Variants in PARD3B observed in about 807,000 individuals in gnomAD.
The protein encoded by PARD3B is partitioning defective 3 homolog B.
Under a neutral mutation model 130.2 loss-of-function variants are expected in PARD3B, and 103 were observed. That is an observed-to-expected ratio of 0.79 (90% CI 0.67 to 0.93). The LOEUF is 0.93. PARD3B is among the 40% of genes least tolerant of loss of function. The pLI is 0.00. For synonymous variants in PARD3B, 583 were observed against 553.2 expected (o/e 1.05, Z -0.76); for missense variants, 1,609 against 1,499.2 (o/e 1.07, Z -1.21).
intron 1 of PARD3B, among the ~76,000 whole-genome samples, chr2:204,554,725 T>C (rs2030796533): frequency 6.6e-6 from 1 of 152,092 alleles, no homozygotes; most frequent in Non-Finnish European, 1.5e-5. Flanking sequence ...TCAGGTCATG[T>C]CATTCTTCTA....
chr2:205,180,999 G>T (rs2035756987), intron 13 of PARD3B, among the ~76,000 whole-genome samples: 1 of 152,110 alleles, frequency 6.6e-6, no homozygotes, highest in Admixed American at 6.5e-5. Flanking sequence ...CATGCAGTTT[G>T]CCTCTGGTTA....
intron 22 of PARD3B, among the ~76,000 whole-genome samples, chr2:205,594,294 G>A (rs773613151): frequency 2.6e-5 from 4 of 152,180 alleles, no homozygotes; most frequent in Non-Finnish European, 5.9e-5. Context: ...TCGCTTGCCT[G>A]GAGTTATTTA....
rs746235074 is a variant in PARD3B at position 205,471,175 on chromosome 2, T to C, written c.3045-28721T>C. On this transcript the variant is annotated intron_variant, in intron 20 of 22. Coordinates refer to ENST00000406610, the MANE Select transcript of PARD3B (RefSeq NM_001302769.2). The stretch of plus-strand genomic sequence containing the variant: ...AAAGTCTTGGGCACAGTTTCCTAGA[T>C]GTATTGTAGATCCATAGGTAGACAC... Among the ~76,000 whole-genome samples the C allele has an allele frequency of 2.0e-4, 30 of 152,250 alleles. No individual in the cohort carries two copies. The Middle Eastern group carries it at 0.024, about 121-fold the overall frequency.
intron 2 of PARD3B, among the ~76,000 whole-genome samples, chr2:204,820,460 A>G (rs1273265578): frequency 6.6e-6 from 1 of 152,096 alleles, no homozygotes; most frequent in Non-Finnish European, 1.5e-5. Context: ...GAGAGAAGTC[A>G]ATCCCTGGTT....
rs1172197331 is a variant in PARD3B, at chr2:204,546,057, C to G, written c.58C>G (p.Gln20Glu). Reference sequence around the variant, plus strand: ...CATCGTGGTGCCCTGCAAGGAGGGCCAGCTGCGCGTCGGCGAGCTCACCCA... The same window carrying G: ...CATCGTGGTGCCCTGCAAGGAGGGCGAGCTGCGCGTCGGCGAGCTCACCCA... The part of the protein sequence containing the change: ...TGIVVPCKEG[Q>E]LRVGELTQQA... Residue 20 changes from glutamine to glutamate, a missense_variant, in exon 1 of 23, where the codon CAG (glutamine) becomes GAG (glutamate). Physicochemically the swap from Gln to Glu is conservative, Grantham distance 29. Transcript: ENST00000406610. The G allele has an allele frequency of 6.4e-7, 1 of 1,564,428 alleles. No individual in the cohort carries two copies. Among genetic ancestry groups the G allele is most frequent in the African/African-American group, 1.4e-5 (1 of 73,512 alleles).
chr2:205,443,094 T>A (rs1230858618), intron 20 of PARD3B, among the ~76,000 whole-genome samples: 1 of 152,232 alleles, frequency 6.6e-6, no homozygotes, highest in African/African-American at 2.4e-5. Flanking sequence ...GATTTTGTCC[T>A]GGCACATAGT....
At position 205,208,325 on chromosome 2, in the gene PARD3B, C is replaced by G. The variant is rs1299099132; in HGVS notation, c.2140+15005C>G. On this transcript the variant is annotated intron_variant, in intron 15 of 22. Transcript: ENST00000406610. ...AACTGGCACAAGACAGGGATGCCCTCTCTCACCACTCCTATTCAACATAGT... is the reference window on the plus strand; with the variant it reads ...AACTGGCACAAGACAGGGATGCCCTGTCTCACCACTCCTATTCAACATAGT... 5.1e-5 allele frequency among the ~76,000 whole-genome samples: 6 copies of G among 116,740 alleles called. 1 individual carries two copies. Among genetic ancestry groups the G allele is most frequent in the Admixed American group, 8.6e-5 (1 of 11,632 alleles). The allele number at this position is 116,740 out of a possible 152,430, so 76.6% of individuals were successfully genotyped here.
intron 2 of PARD3B, among the ~76,000 whole-genome samples, chr2:204,818,879 C>A (rs933181686): frequency 9.9e-5 from 15 of 152,082 alleles, no homozygotes; most frequent in Admixed American, 9.2e-4. Context: ...AGATCAAACA[C>A]TTTTTTCAGA....
intron 5 of PARD3B, among the ~76,000 whole-genome samples, chr2:205,111,116 A>G (rs567005976): frequency 8.5e-5 from 13 of 152,250 alleles, no homozygotes; most frequent in Non-Finnish European, 1.5e-4. Flanking sequence ...AACATTTTAT[A>G]AAGAACATGA....
At chr2:205,488,346 G>T (rs955058965) in intron 20 of PARD3B, among the ~76,000 whole-genome samples, 4 of 152,138 alleles carry the variant, frequency 2.6e-5, no homozygotes, top group African/African-American at 9.6e-5. Flanking sequence ...TGCATGCGTG[G>T]TTCACCATAG....
chr2:204,798,557 A>T (rs1234920972), intron 2 of PARD3B, among the ~76,000 whole-genome samples: 1 of 152,148 alleles, frequency 6.6e-6, no homozygotes, highest in Non-Finnish European at 1.5e-5. Flanking sequence ...GCACCAGAGG[A>T]ACAGCGAAGG....
At chr2:205,120,705 A>G (rs2030594414) in intron 7 of PARD3B, among the ~76,000 whole-genome samples, 2 of 152,326 alleles carry the variant, frequency 1.3e-5, no homozygotes, top group East Asian at 3.9e-4. Context: ...AAAAATGGGC[A>G]CAAGATGGCT....
chr2:204,547,363 A>G (rs2030057620), intron 1 of PARD3B, among the ~76,000 whole-genome samples: 1 of 152,184 alleles, frequency 6.6e-6, no homozygotes, highest in East Asian at 1.9e-4. Context: ...GTCTATTAAT[A>G]TATTAAATAT....
At chr2:205,184,322 C>A (rs1043412463) in intron 13 of PARD3B, among the ~76,000 whole-genome samples, 1 of 152,196 alleles carries the variant, frequency 6.6e-6, no homozygotes, top group African/African-American at 2.4e-5. Context: ...TTCTGTCATT[C>A]AGGGACAAAT....
intron 2 of PARD3B, among the ~76,000 whole-genome samples, chr2:204,861,191 T>TCC (rs2045177620): frequency 6.8e-6 from 1 of 146,560 alleles, no homozygotes; most frequent in East Asian, 2.7e-4. Flanking sequence ...TCTCTCTCTC[T>TCC]CTCTCTCTCT....
intron 16 of PARD3B, among the ~76,000 whole-genome samples, chr2:205,279,944 A>G (rs1196037875): frequency 6.6e-6 from 1 of 152,118 alleles, no homozygotes; most frequent in Admixed American, 6.5e-5. Flanking sequence ...AAGTATCCCT[A>G]TTTTACCTGT....
At chr2:204,730,498 G>A (rs1007052848) in intron 2 of PARD3B, among the ~76,000 whole-genome samples, 1 of 151,116 alleles carries the variant, frequency 6.6e-6, no homozygotes, top group African/African-American at 2.5e-5. Context: ...AGAACTAAAG[G>A]TGGAAGAGTA....
At chr2:205,546,653 C>T (rs769161875) in intron 21 of PARD3B, among the ~76,000 whole-genome samples, 1 of 152,140 alleles carries the variant, frequency 6.6e-6, no homozygotes, top group Non-Finnish European at 1.5e-5. Flanking sequence ...AAGGACTTAA[C>T]CACAACTTCT....
Position 204,673,449 on chromosome 2 carries a change from G to A in PARD3B, c.121-12732G>A, listed in dbSNP as rs1164420701. Among the ~76,000 whole-genome samples the A allele has an allele frequency of 3.9e-5, 6 of 152,184 alleles. No individual in the cohort carries two copies. Among genetic ancestry groups the A allele is most frequent in the Non-Finnish European group, 5.9e-5 (4 of 68,020 alleles). On this transcript the variant is annotated intron_variant, in intron 1 of 22. Coordinates refer to ENST00000406610, the MANE Select transcript of PARD3B (RefSeq NM_001302769.2). This position sits in a 1 kb window ranked among gnomAD's most constrained non-coding sequence, Gnocchi z 4.7. ...CTTGGTGTTTTTGCATCTCCACCAA[G>A]TTTATTCAACCTGACAAGCGAACTA...
Sources: gnomAD v4.1 joint callset for allele counts (sites outside exome capture counted in the v4.1 genomes callset) on GRCh38, gnomAD v4.1.1 for gene constraint, Gnocchi (gnomAD v3.1) non-coding constraint, MANE v1.5 for transcripts, NCBI Gene and HGNC (gene_info 2026-07-23, HGNC 2026-07-21) for gene names.